Variants in SETD2 observed in about 807,000 individuals in gnomAD.
SETD2 encodes the protein SET domain containing 2, histone lysine methyltransferase.
In SETD2, 31 loss-of-function variants were observed where a neutral mutation model predicts 242.1. The observed-to-expected ratio is 0.13, with a 90% CI of 0.10 to 0.17. The LOEUF (loss-of-function observed/expected upper bound fraction) is 0.17, where lower values mean the gene tolerates loss of function less well. Ranked by LOEUF, SETD2 falls within the 10% of genes least tolerant of loss-of-function variation. SETD2 has a pLI of 1.00. For missense variants in SETD2, 2,481 were observed against 3,046.3 expected, an observed-to-expected ratio of 0.81 and a Z score of 4.37; for synonymous variants, 1,006 against 1,066.5, an observed-to-expected ratio of 0.94 and a Z score of 1.11.
rs9844122 is a variant in SETD2, at chr3:47,066,840, C to T, written c.6109+230G>A. 0.65 allele frequency among the ~76,000 whole-genome samples: 98,898 copies of T among 152,054 alleles called. 32,609 individuals are homozygous for T. The highest frequency in any genetic ancestry group is 0.76 in the African/African-American group (31,397 of 41,492). Reference sequence around the variant, plus strand: ...CGAATAGAAAAAAAGCTAGTAAAGACTGAGTTCAAGGAAAGCGACAACAAA... The same window carrying T: ...CGAATAGAAAAAAAGCTAGTAAAGATTGAGTTCAAGGAAAGCGACAACAAA... On this transcript the variant is annotated intron_variant, in intron 13 of 20. Coordinates refer to ENST00000409792, the MANE Select transcript of SETD2 (RefSeq NM_014159.7).
At chr3:47,151,568 C>T (rs760769623) in intron 1 of SETD2, among the ~76,000 whole-genome samples, 1 of 152,088 alleles carries the variant, frequency 6.6e-6, no homozygotes, top group African/African-American at 2.4e-5. Context: ...TGGCTCATGT[C>T]TATAATCCCA....
intron 18 of SETD2, among the ~76,000 whole-genome samples, chr3:47,026,891 C>T (rs2038505589): frequency 1.3e-5 from 2 of 151,948 alleles, no homozygotes; most frequent in Non-Finnish European, 2.9e-5. Flanking sequence ...ACCACCATGG[C>T]ACGTGTATAC....
intron 12 of SETD2, among the ~76,000 whole-genome samples, chr3:47,068,661 T>C (rs2040675920): frequency 6.6e-6 from 1 of 152,128 alleles, no homozygotes; most frequent in Non-Finnish European, 1.5e-5. Context: ...CATGCCCAGC[T>C]AATTTTTGTA....
intron 5 of SETD2, among the ~76,000 whole-genome samples, chr3:47,106,477 T>C (rs1250951616): frequency 1.9e-5 from 2 of 106,132 alleles, no homozygotes; most frequent in Non-Finnish European, 3.6e-5. Context: ...ACTGAAAAGT[T>C]AGAGGATTTT....
rs949335845 is a variant in SETD2, at chr3:47,121,569, T to A, written c.3067A>T (p.Ser1023Cys). 4.3e-6 allele frequency: 7 copies of A among 1,614,160 alleles called. No individual in the cohort carries two copies. The highest frequency in any genetic ancestry group is 5.9e-6 in the Non-Finnish European group (7 of 1,180,008). The change falls in exon 3 of 21, where the codon AGT becomes TGT. Residue 1023 changes from serine (S) to cysteine (C), a missense_variant. By Grantham distance (112) the Ser-to-Cys change is moderately radical. Transcript: ENST00000409792. ...ACAATTTCTGGGGCATGACCACTAC[T>A]GTCACACTTTAATGCATAAGTTACA... is the stretch of plus-strand genomic sequence containing the variant. Reference protein sequence around the residue: ...DGVTYALKCDSSGHAPEIVST... With the variant: ...DGVTYALKCDCSGHAPEIVST...
At chr3:47,033,401 T>C (rs2038862883) in intron 18 of SETD2, among the ~76,000 whole-genome samples, 1 of 152,180 alleles carries the variant, frequency 6.6e-6, no homozygotes, top group Non-Finnish European at 1.5e-5. Flanking sequence ...ATTTGTACCA[T>C]GCTGAGGAAG....
intron 7 of SETD2, 77 bp downstream of exon 7, chr3:47,103,269 G>A: frequency 1.1e-6 from 1 of 923,704 alleles, no homozygotes; most frequent in Admixed American, 1.8e-5. Context: ...GAGTACCTTA[G>A]ATATGGGATC....
intron 3 of SETD2, among the ~76,000 whole-genome samples, chr3:47,118,567 A>G (rs1342501276): frequency 1.3e-5 from 2 of 151,820 alleles, no homozygotes; most frequent in East Asian, 3.9e-4. Context: ...CTAAAAATAC[A>G]AAAATTAGCT....
At chr3:47,051,920 T>C (rs1223594908) in intron 15 of SETD2, among the ~76,000 whole-genome samples, 1 of 152,216 alleles carries the variant, frequency 6.6e-6, no homozygotes, top group Non-Finnish European at 1.5e-5. Context: ...ATGCAGACAC[T>C]AGTATTTGAT....
Position 47,062,160 on chromosome 3 carries a change from T to G in SETD2, c.6293+3A>C. The G allele has an allele frequency of 6.2e-7, 1 of 1,612,348 alleles. No individual in the cohort carries two copies. Among genetic ancestry groups the G allele is most frequent in the Non-Finnish European group, 8.5e-7 (1 of 1,179,576 alleles). ...AACAAAAAAACTCACACAGGCCACT[T>G]ACCTGTCATCTGGCCTTTTTGTTCC... On this transcript the variant is annotated splice_donor_region_variant and intron_variant, in intron 14 of 20. Coordinates refer to ENST00000409792, the MANE Select transcript of SETD2 (RefSeq NM_014159.7).
intron 14 of SETD2, among the ~76,000 whole-genome samples, chr3:47,061,100 T>C (rs1369443490): frequency 6.0e-4 from 91 of 151,982 alleles, no homozygotes; most frequent in African/African-American, 2.1e-3. Flanking sequence ...CACCTGTAGT[T>C]CCAGCTACTC....
intron 15 of SETD2, among the ~76,000 whole-genome samples, chr3:47,052,762 G>T (rs1480196570): frequency 6.6e-6 from 1 of 152,028 alleles, no homozygotes; most frequent in Non-Finnish European, 1.5e-5. Flanking sequence ...GTTGCAATGA[G>T]TCGAGATTGC....
intron 9 of SETD2, among the ~76,000 whole-genome samples, chr3:47,091,305 G>T (rs912046084): frequency 5.9e-5 from 9 of 152,130 alleles, no homozygotes; most frequent in Admixed American, 2.6e-4. Context: ...ACAGATTTTT[G>T]AGACGAAAAT....
chr3:47,129,773 T>C (rs186599373), intron 1 of SETD2, among the ~76,000 whole-genome samples: 36 of 151,602 alleles, frequency 2.4e-4, no homozygotes, highest in African/African-American at 8.0e-4. Flanking sequence ...TAATCCCAGC[T>C]ACTTGGGAGG....
At position 47,146,157 on chromosome 3, in the gene SETD2, C is replaced by T. The variant is rs184588712; in HGVS notation, c.71+17697G>A. 4.0e-5 allele frequency among the ~76,000 whole-genome samples: 6 copies of T among 151,784 alleles called. No homozygotes were observed. The East Asian group carries it at 1.2e-3, about 29-fold the overall frequency. ...CTCAAAATGTCAGCTGGAGAGGTACCACCCACAGTACAATATATTAGGAGC... is the reference window on the plus strand; with the variant it reads ...CTCAAAATGTCAGCTGGAGAGGTACTACCCACAGTACAATATATTAGGAGC... On this transcript the variant is annotated intron_variant, in intron 1 of 20. Transcript: ENST00000409792.
chr3:47,129,201 T>C (rs1479331655), intron 1 of SETD2, among the ~76,000 whole-genome samples: 1 of 152,012 alleles, frequency 6.6e-6, no homozygotes, highest in East Asian at 1.9e-4. Context: ...AGAAAAGAAA[T>C]GACATTTCCC....
At chr3:47,093,924 C>T (rs980845652) in intron 9 of SETD2, among the ~76,000 whole-genome samples, 1 of 152,066 alleles carries the variant, frequency 6.6e-6, no homozygotes. Flanking sequence ...CAGCTTTCCA[C>T]GTTTATTGGC....
At position 47,088,012 on chromosome 3, in the gene SETD2, A is replaced by G; in HGVS notation, c.5277+101T>C. 4.3e-6 allele frequency: 5 copies of G among 1,172,476 alleles called. 1 individual carries two copies. In the South Asian group the frequency reaches 8.7e-5, roughly 21 times the overall value. 72.6% of individuals were successfully genotyped at this position (1,172,476 alleles called of 1,614,324 possible). ...ACAAACAAATAAATAAATAAATAAA[A>G]TAAGACTAACTCTTATCAGAATTAT... On this transcript the variant is annotated intron_variant, in intron 10 of 20. Coordinates refer to ENST00000409792, the MANE Select transcript of SETD2 (RefSeq NM_014159.7).
chr3:47,118,664 CAAAA>C (rs78178618), intron 3 of SETD2, among the ~76,000 whole-genome samples: 2 of 85,548 alleles, frequency 2.3e-5, no homozygotes, highest in Non-Finnish European at 2.4e-5. Flanking sequence ...GACTCTGTCT[CAAAA>C]AAAAAAAAAA....
Sources: allele counts gnomAD v4.1 joint callset (sites outside exome capture counted in the v4.1 genomes callset), GRCh38; gene constraint gnomAD v4.1.1; transcripts MANE v1.5; gene names NCBI Gene and HGNC (gene_info 2026-07-23, HGNC 2026-07-21).